Variants in RPA1 observed in about 807,000 individuals in gnomAD.
RPA1 encodes the protein replication protein A 70 kDa DNA-binding subunit.
Under a neutral mutation model 83.0 loss-of-function variants are expected in RPA1, and 49 were observed. The ratio of observed to expected loss-of-function variants is 0.59; its 90% CI spans 0.47 to 0.75. RPA1 has a LOEUF of 0.75. Among genes scored for constraint, RPA1 ranks in the 30% least tolerant of loss-of-function variants. The pLI is 0.00. For missense variants in RPA1, 693 were observed against 776.1 expected, an observed-to-expected ratio of 0.89 and a Z score of 1.27; for synonymous variants, 279 against 281.8, an observed-to-expected ratio of 0.99 and a Z score of 0.10.
chr17:1,838,063 G>A (rs1295903493), intron 1 of RPA1, among the ~76,000 whole-genome samples: 5 of 152,054 alleles, frequency 3.3e-5, no homozygotes, highest in Non-Finnish European at 7.4e-5. Context: ...AGGCTGAGGC[G>A]GGCGGATCAC....
At chr17:1,890,761 CTT>C (rs1914174589) in intron 14 of RPA1, among the ~76,000 whole-genome samples, 1 of 152,314 alleles carries the variant, frequency 6.6e-6, no homozygotes, top group African/African-American at 2.4e-5. Flanking sequence ...AAACTATAAA[CTT>C]TTCATTGAAC....
intron 5 of RPA1, among the ~76,000 whole-genome samples, chr17:1,859,195 C>G (rs4790835): frequency 0.63 from 95,077 of 152,032 alleles, 30,174 homozygotes; most frequent in Non-Finnish European, 0.69. Flanking sequence ...GACCCACCTT[C>G]CCCAGCCTTG....
intron 4 of RPA1, among the ~76,000 whole-genome samples, chr17:1,845,188 GTGTGTGTA>G (rs1418961274): frequency 1.8e-4 from 27 of 151,862 alleles, no homozygotes; most frequent in Non-Finnish European, 2.4e-4. Flanking sequence ...GTGTGTGTGT[GTGTGTGTA>G]CAATCTTGAA....
At chr17:1,895,140 G>C in intron 16 of RPA1, 45 bp downstream of exon 16, 1 of 1,474,360 alleles carries the variant, frequency 6.8e-7, no homozygotes, top group Non-Finnish European at 9.5e-7. Context: ...GGGAGGTGCT[G>C]TTTGTCACCT....
At chr17:1,887,107 A>G (rs1196041757) in intron 13 of RPA1, among the ~76,000 whole-genome samples, 2 of 152,162 alleles carry the variant, frequency 1.3e-5, no homozygotes, top group East Asian at 3.8e-4. Flanking sequence ...ATCAGCAGTA[A>G]GGCTGTTTGC....
chr17:1,843,391 T>TA (rs1912129661), intron 2 of RPA1, among the ~76,000 whole-genome samples: 1 of 151,440 alleles, frequency 6.6e-6, no homozygotes. Flanking sequence ...TGGGTACAGG[T>TA]GTCACTTGCT....
chr17:1,853,293 G>C (rs1417408862), intron 5 of RPA1, 104 bp downstream of exon 5: 1 of 867,506 alleles, frequency 1.2e-6, no homozygotes, highest in African/African-American at 1.7e-5. Context: ...TTAATAAAAT[G>C]ATAGTGATTC....
At chr17:1,895,304 G>C (rs1323413538) in intron 16 of RPA1, among the ~76,000 whole-genome samples, 1 of 151,200 alleles carries the variant, frequency 6.6e-6, no homozygotes, top group Non-Finnish European at 1.5e-5. Context: ...ATGGCGGGGG[G>C]GTGGGGAATA....
intron 1 of RPA1, among the ~76,000 whole-genome samples, chr17:1,840,992 G>A (rs991666775): frequency 1.3e-5 from 2 of 152,066 alleles, no homozygotes; most frequent in African/African-American, 4.8e-5. Context: ...GCTTGAACCC[G>A]GGCATTAGAG....
At chr17:1,874,032 T>TATATATATAC (rs1171343408) in intron 6 of RPA1, among the ~76,000 whole-genome samples, 31 of 79,244 alleles carry the variant, frequency 3.9e-4, no homozygotes, top group African/African-American at 1.7e-3. Context: ...TATATATATA[T>TATATATATAC]ACACACACAC....
intron 1 of RPA1, among the ~76,000 whole-genome samples, chr17:1,831,208 G>T (rs1357284767): frequency 6.6e-6 from 1 of 152,052 alleles, no homozygotes; most frequent in Non-Finnish European, 1.5e-5. Flanking sequence ...TTCAGTATAC[G>T]TATCCCAAAG....
intron 3 of RPA1, 152 bp from the exon 4 acceptor site, chr17:1,844,426 A>G (rs1049423604): frequency 5.7e-5 from 34 of 595,466 alleles, no homozygotes; most frequent in Admixed American, 1.5e-4. Context: ...ACAGGCAGCA[A>G]AATACACAGT....
In RPA1 at chr17:1,853,057, A is replaced by G. The variant is rs2287321; in HGVS notation, c.273-44A>G. On this transcript the variant is annotated intron_variant, in intron 4 of 16. Coordinates refer to ENST00000254719, the MANE Select transcript of RPA1 (RefSeq NM_002945.5). Reference sequence around the variant, plus strand: ...ATTTTGAGTAGCTTATCATTTGAACAGAATTTGTTTTTCTAACCTGTTTCT... The same window carrying G: ...ATTTTGAGTAGCTTATCATTTGAACGGAATTTGTTTTTCTAACCTGTTTCT... 0.4 allele frequency: 591,550 copies of G among 1,474,262 alleles called. 121,451 individuals carry two copies. The highest frequency in any genetic ancestry group is 0.54 in the Admixed American group (32,138 of 59,288). The allele number at this position is 1,474,262 out of a possible 1,614,324, so 91.3% of individuals were successfully genotyped here.
chr17:1,844,128 C>A, intron 3 of RPA1, 130 bp downstream of exon 3: 2 of 677,124 alleles, frequency 3.0e-6, no homozygotes, highest in South Asian at 1.9e-5. Flanking sequence ...TTCATTCAGA[C>A]AGAATTGCAG....
intron 4 of RPA1, among the ~76,000 whole-genome samples, chr17:1,852,071 T>C (rs1473449499): frequency 2.6e-5 from 4 of 152,230 alleles, no homozygotes; most frequent in African/African-American, 9.6e-5. Flanking sequence ...TCATTTTGTC[T>C]CTTCTCTTGG....
At chr17:1,838,816 T>C (rs1420641430) in intron 1 of RPA1, among the ~76,000 whole-genome samples, 2 of 152,136 alleles carry the variant, frequency 1.3e-5, no homozygotes, top group Non-Finnish European at 2.9e-5. Flanking sequence ...CTATCCCATT[T>C]CATTGAGTTA....
At chr17:1,846,311 C>CTTTTTTTTTTTTTTTTTT (rs71150823) in intron 4 of RPA1, among the ~76,000 whole-genome samples, 1 of 75,786 alleles carries the variant, frequency 1.3e-5, no homozygotes, top group Non-Finnish European at 2.3e-5. Context: ...GGAAGCTTTG[C>CTTTTTTTTTTTTTTTTTT]TTTTTTTTTT....
At chr17:1,858,595 C>G in intron 5 of RPA1, 2 of 612,574 alleles carry the variant, frequency 3.3e-6, no homozygotes, top group Non-Finnish European at 5.8e-6. Context: ...TCCTGAGTAG[C>G]TGGGACTATT....
At chr17:1,853,223 A>G (rs17291902) in intron 5 of RPA1, 34 bp downstream of exon 5, 2 of 1,447,536 alleles carry the variant, frequency 1.4e-6, no homozygotes, top group South Asian at 2.3e-5. Context: ...TAGCACTCAA[A>G]TGAATACCTC....
Sources: gnomAD v4.1 joint callset for allele counts (sites outside exome capture counted in the v4.1 genomes callset) on GRCh38, gnomAD v4.1.1 for gene constraint, MANE v1.5 for transcripts, NCBI Gene and HGNC (gene_info 2026-07-23, HGNC 2026-07-21) for gene names.